Variants in MAN2A1 observed in about 807,000 individuals in gnomAD.
MAN2A1 encodes mannosidase alpha class 2A member 1, also known as alpha-mannosidase 2.
MAN2A1 carries 76 observed loss-of-function variants against 142.6 expected under a neutral mutation model. The ratio of observed to expected loss-of-function variants is 0.53; its 90% CI spans 0.44 to 0.65. The LOEUF (loss-of-function observed/expected upper bound fraction) is 0.65, where lower values mean the gene tolerates loss of function less well. Among genes scored for constraint, MAN2A1 ranks in the 30% least tolerant of loss-of-function variants. MAN2A1 has a pLI of 0.00. For synonymous variants in MAN2A1, 559 were observed against 473.2 expected, an observed-to-expected ratio of 1.18 and a Z score of -2.35; for missense variants, 1,311 against 1,365.1, an observed-to-expected ratio of 0.96 and a Z score of 0.62.
At position 109,717,742 on chromosome 5, in the gene MAN2A1, G is replaced by C. The variant is rs1446826028; in HGVS notation, c.535+1478G>C. Among the ~76,000 whole-genome samples the C allele has an allele frequency of 3.3e-5, 5 of 152,124 alleles. No individual in the cohort carries two copies. In the South Asian group the frequency reaches 6.2e-4, roughly 19 times the overall value. On this transcript the variant is annotated intron_variant, in intron 3 of 21. Transcript: ENST00000261483. Reference sequence around the variant, plus strand: ...TGCGGTGTATTGCCTGTGTGTCCTTGGGCACATTGATTTGTGTATCTGTAA... The same window carrying C: ...TGCGGTGTATTGCCTGTGTGTCCTTCGGCACATTGATTTGTGTATCTGTAA...
At chr5:109,721,132 C>T (rs1751591809) in intron 3 of MAN2A1, among the ~76,000 whole-genome samples, 1 of 152,040 alleles carries the variant, frequency 6.6e-6, no homozygotes, top group Non-Finnish European at 1.5e-5. Flanking sequence ...GTGAGGGCAG[C>T]GAGGCTAAGT....
intron 4 of MAN2A1, among the ~76,000 whole-genome samples, chr5:109,732,422 C>T (rs1389299021): frequency 6.6e-6 from 1 of 152,190 alleles, no homozygotes; most frequent in South Asian, 2.1e-4. Flanking sequence ...GTGTTTTAGA[C>T]ATGAAGTCCT....
intron 3 of MAN2A1, among the ~76,000 whole-genome samples, chr5:109,727,814 T>A (rs77322435): frequency 0.019 from 2,851 of 152,286 alleles, 36 homozygotes; most frequent in Middle Eastern, 0.075. Context: ...GGCTATTCCC[T>A]GGGAATCCAG....
intron 12 of MAN2A1, among the ~76,000 whole-genome samples, chr5:109,790,129 G>A (rs1317258079): frequency 6.6e-6 from 1 of 151,816 alleles, no homozygotes. Flanking sequence ...CAAGGTATCT[G>A]TTTTTAATAA....
chr5:109,807,860 C>T (rs1460532552), intron 12 of MAN2A1, among the ~76,000 whole-genome samples: 1 of 152,206 alleles, frequency 6.6e-6, no homozygotes, highest in Non-Finnish European at 1.5e-5. Flanking sequence ...TCTGTCTTCA[C>T]CTTTCCTGCC....
chr5:109,700,686 T>C (rs779183380), intron 1 of MAN2A1, among the ~76,000 whole-genome samples: 3 of 152,158 alleles, frequency 2.0e-5, no homozygotes, highest in Non-Finnish European at 4.4e-5. Flanking sequence ...GTAGGCTGGG[T>C]CCTTCCAGGT....
At chr5:109,856,548 G>C (rs552115429) in intron 20 of MAN2A1, among the ~76,000 whole-genome samples, 2 of 152,350 alleles carry the variant, frequency 1.3e-5, no homozygotes, top group South Asian at 4.1e-4. Flanking sequence ...AAAAGGCAGA[G>C]AGGAAGGGAT....
At chr5:109,809,424 T>C (rs1261835611) in intron 12 of MAN2A1, among the ~76,000 whole-genome samples, 1 of 152,180 alleles carries the variant, frequency 6.6e-6, no homozygotes, top group Non-Finnish European at 1.5e-5. Context: ...TTAACGTTTC[T>C]TTCAGTACAA....
At chr5:109,863,827 A>AT (rs1419712795) in intron 20 of MAN2A1, 1 of 152,236 alleles carries the variant, frequency 6.6e-6, no homozygotes, top group African/African-American at 2.4e-5. Flanking sequence ...ATGATTTAAA[A>AT]TTGCTGTGTG....
chr5:109,692,016 C>T (rs1313341960), intron 1 of MAN2A1, among the ~76,000 whole-genome samples: 3 of 152,160 alleles, frequency 2.0e-5, no homozygotes, highest in South Asian at 4.1e-4. Flanking sequence ...ACAGGAAAAT[C>T]ATAAAAAGTG....
intron 12 of MAN2A1, among the ~76,000 whole-genome samples, chr5:109,796,434 C>A (rs1341380213): frequency 6.6e-6 from 1 of 152,152 alleles, no homozygotes; most frequent in African/African-American, 2.4e-5. Flanking sequence ...TGATCTTCTA[C>A]TTTAACTTTT....
At chr5:109,809,275 G>A (rs1291924015) in intron 12 of MAN2A1, among the ~76,000 whole-genome samples, 1 of 151,892 alleles carries the variant, frequency 6.6e-6, no homozygotes, top group Admixed American at 6.6e-5. Flanking sequence ...ACTTATTATA[G>A]TTTAATTGAA....
chr5:109,791,563 T>G (rs550319090), intron 12 of MAN2A1, among the ~76,000 whole-genome samples: 17 of 152,182 alleles, frequency 1.1e-4, no homozygotes, highest in Admixed American at 1.1e-3. Flanking sequence ...GCTTTTTTTT[T>G]AGTTATAAAC....
At chr5:109,842,224 A>G in intron 16 of MAN2A1, 104 bp from the exon 17 acceptor site, 1 of 671,882 alleles carries the variant, frequency 1.5e-6, no homozygotes. Context: ...AAGAAGTAGA[A>G]AACAAGAAAA....
chr5:109,757,964 A>G (rs1752734393), intron 5 of MAN2A1, among the ~76,000 whole-genome samples: 1 of 152,036 alleles, frequency 6.6e-6, no homozygotes, highest in South Asian at 2.1e-4. Context: ...CTTAGGTTGT[A>G]TTTTGCTTTT....
intron 4 of MAN2A1, among the ~76,000 whole-genome samples, chr5:109,740,612 G>C (rs1188700348): frequency 6.6e-6 from 1 of 152,164 alleles, no homozygotes; most frequent in African/African-American, 2.4e-5. Context: ...TGCAGAGGGG[G>C]ACTCACACAA....
chr5:109,784,872 A>T lies in MAN2A1; in HGVS notation c.1706A>T (p.His569Leu). ...AGGAATTTGGGACTGTTTCAACATC[A>T]TGATGCTATCACAGGAACTGCAAAA... is the stretch of plus-strand genomic sequence containing the variant. The part of the protein sequence containing the change: ...ARRNLGLFQH[H>L]DAITGTAKDW... Residue 569 changes from histidine (H) to leucine (L), a missense_variant, in exon 10 of 22, where the codon CAT becomes CTT. Transcript: ENST00000261483. 1.2e-6 allele frequency: 2 copies of T among 1,612,478 alleles called. No homozygotes were observed. Among genetic ancestry groups the T allele is most frequent in the Non-Finnish European group, 1.7e-6 (2 of 1,179,280 alleles).
At chr5:109,863,413 C>T (rs1175826340) in intron 20 of MAN2A1, 2 of 152,160 alleles carry the variant, frequency 1.3e-5, no homozygotes, top group African/African-American at 4.8e-5. Context: ...TTTGCTGAAA[C>T]CCACAGCTAG....
At chr5:109,851,050 G>A (rs952631794) in intron 19 of MAN2A1, among the ~76,000 whole-genome samples, 2 of 152,144 alleles carry the variant, frequency 1.3e-5, no homozygotes, top group Non-Finnish European at 2.9e-5. Flanking sequence ...AGTGAAGTAG[G>A]GGGATACTCC....
Sources: gnomAD v4.1 joint callset for allele counts (sites outside exome capture counted in the v4.1 genomes callset) on GRCh38, gnomAD v4.1.1 for gene constraint, MANE v1.5 for transcripts, NCBI Gene and HGNC (gene_info 2026-07-23, HGNC 2026-07-21) for gene names.